The following UNC79 variants were observed in gnomAD, a reference collection of about 807,000 sequenced individuals.
UNC79 encodes unc-79 subunit of NALCN channel complex, also known as protein unc-79 homolog.
UNC79 carries 37 observed loss-of-function variants against 283.1 expected under a neutral mutation model. The ratio of observed to expected loss-of-function variants is 0.13; its 90% CI spans 0.10 to 0.17. The LOEUF (loss-of-function observed/expected upper bound fraction) is 0.17, where lower values mean the gene tolerates loss of function less well. Ranked by LOEUF, UNC79 falls within the 10% of genes least tolerant of loss-of-function variation. The pLI, the probability that UNC79 is intolerant of heterozygous loss-of-function variation, is 1.00. For synonymous variants in UNC79, 1,107 were observed against 1,200.2 expected, an observed-to-expected ratio of 0.92 and a Z score of 1.61; for missense variants, 2,272 against 3,211.1, an observed-to-expected ratio of 0.71 and a Z score of 7.07.
chr14:93,695,478 A>C (rs1355944114), intron 47 of UNC79, among the ~76,000 whole-genome samples: 1 of 152,238 alleles, frequency 6.6e-6, no homozygotes, highest in Non-Finnish European at 1.5e-5. Context: ...GTTGGAGTGC[A>C]GTGGTGCAAT....
At chr14:93,441,012 G>T (rs1371759950) in intron 1 of UNC79, among the ~76,000 whole-genome samples, 1 of 151,972 alleles carries the variant, frequency 6.6e-6, no homozygotes, top group Middle Eastern at 3.2e-3. Context: ...CTTGATCTTG[G>T]ATTGTGAGAG....
intron 14 of UNC79, among the ~76,000 whole-genome samples, chr14:93,546,969 C>A (rs1475020237): frequency 6.6e-6 from 1 of 152,088 alleles, no homozygotes; most frequent in African/African-American, 2.4e-5. Context: ...CAAGAGTTTT[C>A]AGAGAAACAT....
chr14:93,408,064 T>A lies in UNC79; in HGVS notation c.-350-59607T>A, dbSNP rs564243023. Among the ~76,000 whole-genome samples the A allele has an allele frequency of 2.0e-5, 3 of 152,242 alleles. No individual in the cohort carries two copies. In the East Asian group the frequency reaches 5.8e-4, roughly 29 times the overall value. Reference sequence around the variant, plus strand: ...TTATGTCCGGTCTTCAACAAAAAATTACAAGGCATAATTAATGGCAAGAAA... The same window carrying A: ...TTATGTCCGGTCTTCAACAAAAAATAACAAGGCATAATTAATGGCAAGAAA... On this transcript the variant is annotated intron_variant, in intron 1 of 49. Coordinates refer to the UNC79 transcript ENST00000256339.
intron 1 of UNC79, among the ~76,000 whole-genome samples, chr14:93,369,236 C>A (rs1285636203): frequency 6.6e-6 from 1 of 152,186 alleles, no homozygotes; most frequent in Admixed American, 6.5e-5. Flanking sequence ...GTGTGAAATT[C>A]TTCGACTTGA....
At chr14:93,598,524 T>C (rs1252413486) in intron 24 of UNC79, among the ~76,000 whole-genome samples, 4 of 152,116 alleles carry the variant, frequency 2.6e-5, no homozygotes, top group Admixed American at 2.6e-4. Flanking sequence ...TATAGTTTTT[T>C]GCTTTGTTTT....
At chr14:93,589,443 G>T (rs947565041) in intron 22 of UNC79, among the ~76,000 whole-genome samples, 1 of 152,038 alleles carries the variant, frequency 6.6e-6, no homozygotes, top group South Asian at 2.1e-4. Flanking sequence ...GGGGGATGGG[G>T]GGGAAGTTGG....
intron 1 of UNC79, chr14:93,333,583 TAAA>T (rs1263822383): frequency 2.5e-6 from 1 of 395,484 alleles, no homozygotes; most frequent in Non-Finnish European, 4.5e-6. Context: ...TGTAGTAGGT[TAAA>T]AAATAATCTT....
intron 1 of UNC79, among the ~76,000 whole-genome samples, chr14:93,449,660 T>C (rs2056573112): frequency 6.6e-6 from 1 of 151,948 alleles, no homozygotes; most frequent in Non-Finnish European, 1.5e-5. Flanking sequence ...CTTGTAAATA[T>C]GGGAGCCTTC....
chr14:93,495,430 C>T (rs1006584346), intron 5 of UNC79, among the ~76,000 whole-genome samples: 4 of 152,210 alleles, frequency 2.6e-5, no homozygotes, highest in Non-Finnish European at 4.4e-5. Flanking sequence ...GATCCAATCA[C>T]TTCCCATTAG....
rs1595685879 is a variant in UNC79, at chr14:93,506,609, T to G, written c.898+9323T>G. Among the ~76,000 whole-genome samples the G allele has an allele frequency of 1.3e-5, 2 of 152,224 alleles. 1 individual carries two copies. The highest frequency in any genetic ancestry group is 3.8e-4 in the East Asian group (2 of 5,208). ...AAGTTTTCTCTTTATTTTTTATTTT[T>G]GGCAGCTTTACTATGATATATCTAG... On this transcript the variant is annotated intron_variant, in intron 7 of 48. Coordinates refer to ENST00000555664, the Ensembl canonical transcript of UNC79.
chr14:93,568,230 G>A (rs1024597806), intron 14 of UNC79, among the ~76,000 whole-genome samples: 3 of 152,174 alleles, frequency 2.0e-5, no homozygotes, highest in African/African-American at 7.2e-5. Context: ...AGGTAGCATA[G>A]TGTTGTTTTG....
rs1020341805 is a variant in UNC79 at position 93,657,452 on chromosome 14, C to T, written c.6457-1741C>T. ...CTGCAAGCTCCGCCTCCTGGGTTCA[C>T]GCCATTCTCCTGCCTCAGCTTCCTG... On this transcript the variant is annotated intron_variant, in intron 38 of 48. Coordinates refer to ENST00000555664, the Ensembl canonical transcript of UNC79. Among the ~76,000 whole-genome samples, 12 of 151,580 alleles carry T rather than the reference C, an allele frequency of 7.9e-5. No individual in the cohort carries two copies. In the South Asian group the frequency reaches 8.3e-4, roughly 11 times the overall value.
At chr14:93,704,544 C>A in intron 47 of UNC79, 81 bp from the exon 51 acceptor site, 1 of 1,486,890 alleles carries the variant, frequency 6.7e-7, no homozygotes, top group Non-Finnish European at 9.4e-7. Flanking sequence ...TTCAATGTGG[C>A]CTGTTTTCCC....
chr14:93,600,394 T>G (rs2065414557), intron 24 of UNC79, among the ~76,000 whole-genome samples, 175 bp from the exon 25 acceptor site: 1 of 152,238 alleles, frequency 6.6e-6, no homozygotes, highest in Admixed American at 6.5e-5. Flanking sequence ...CATTTTTCTT[T>G]CCTACCAAAA....
intron 24 of UNC79, 62 bp downstream of exon 24, chr14:93,597,602 GCGT>G (rs768878192): frequency 1.4e-5 from 22 of 1,533,760 alleles, no homozygotes; most frequent in Admixed American, 9.7e-5. Flanking sequence ...CTAAATCATT[GCGT>G]TGTTTGTCAC....
intron 1 of UNC79, among the ~76,000 whole-genome samples, chr14:93,369,160 G>C (rs1437198543): frequency 6.6e-6 from 1 of 152,226 alleles, no homozygotes; most frequent in East Asian, 1.9e-4. Flanking sequence ...TGTGAGCTTT[G>C]GTGCAAAAAA....
At chr14:93,467,816 T>C in intron 2 of UNC79, 25 bp downstream of exon 2, 1 of 1,481,310 alleles carries the variant, frequency 6.8e-7, no homozygotes, top group Non-Finnish European at 8.9e-7. Context: ...ATCCTCTACT[T>C]TGAGAGAATT....
intron 14 of UNC79, among the ~76,000 whole-genome samples, chr14:93,562,404 C>G (rs1486532783): frequency 6.6e-6 from 1 of 152,078 alleles, no homozygotes; most frequent in Non-Finnish European, 1.5e-5. Flanking sequence ...CTGTCTGGGA[C>G]GAGGTTGGGG....
chr14:93,380,030 C>T (rs1020475801), intron 1 of UNC79, among the ~76,000 whole-genome samples: 7 of 152,086 alleles, frequency 4.6e-5, no homozygotes, highest in African/African-American at 1.2e-4. Flanking sequence ...GGGAAAATTA[C>T]TTCACTTCTC....
Sources: allele counts gnomAD v4.1 joint callset (sites outside exome capture counted in the v4.1 genomes callset), GRCh38; gene constraint gnomAD v4.1.1; transcripts MANE v1.5; gene names NCBI Gene and HGNC (gene_info 2026-07-23, HGNC 2026-07-21).